PCDH15: variants seen among roughly 807,000 people sequenced by gnomAD.
PCDH15 encodes the protein protocadherin-15.
PCDH15 carries 129 observed loss-of-function variants against 178.5 expected under a neutral mutation model. The ratio of observed to expected loss-of-function variants is 0.72; its 90% CI spans 0.63 to 0.84. PCDH15 has a LOEUF of 0.84. PCDH15 is among the 40% of genes least tolerant of loss of function. The pLI, the probability that PCDH15 is intolerant of heterozygous loss-of-function variation, is 0.00. For synonymous variants in PCDH15, 800 were observed against 732.0 expected (o/e 1.09, Z -1.50); for missense variants, 2,230 against 2,099.9 (o/e 1.06, Z -1.21).
At chr10:55,120,290 G>T (rs753418156) in intron 2 of PCDH15, among the ~76,000 whole-genome samples, 42 of 152,168 alleles carry the variant, frequency 2.8e-4, no homozygotes, top group Non-Finnish European at 5.9e-4. Flanking sequence ...GACCTGGTGT[G>T]AAGGAAGACA....
intron 2 of PCDH15, among the ~76,000 whole-genome samples, chr10:55,557,939 T>C (rs748841319): frequency 9.2e-5 from 14 of 152,118 alleles, no homozygotes; most frequent in Non-Finnish European, 1.8e-4. Context: ...GATGGACTTA[T>C]AGAAATATCA....
chr10:55,404,420 C>T (rs946052474), intron 2 of PCDH15, among the ~76,000 whole-genome samples: 6 of 151,894 alleles, frequency 4.0e-5, no homozygotes, highest in Non-Finnish European at 7.4e-5. Flanking sequence ...TTTTTCTGAG[C>T]GTCACTAGCA....
intron 3 of PCDH15, among the ~76,000 whole-genome samples, chr10:54,396,111 C>A (rs948694104): frequency 6.6e-6 from 1 of 152,110 alleles, no homozygotes; most frequent in Non-Finnish European, 1.5e-5. Flanking sequence ...CCCTCTAAAC[C>A]GGGGAGGACA....
At chr10:55,614,695 G>T (rs1162330133) in intron 2 of PCDH15, among the ~76,000 whole-genome samples, 84 of 152,158 alleles carry the variant, frequency 5.5e-4, no homozygotes, top group Non-Finnish European at 4.3e-4. Context: ...TTGTTAAAGT[G>T]GTTTGGTCAC....
At chr10:55,239,026 G>C (rs2132209255) in intron 1 of PCDH15, among the ~76,000 whole-genome samples, 1 of 152,084 alleles carries the variant, frequency 6.6e-6, no homozygotes. Context: ...GCCTCTGGTA[G>C]CCAACAGTTT....
At chr10:55,248,734 T>C (rs1841749337) in intron 1 of PCDH15, among the ~76,000 whole-genome samples, 3 of 151,948 alleles carry the variant, frequency 2.0e-5, no homozygotes, top group African/African-American at 7.3e-5. Flanking sequence ...TTTTCATATT[T>C]TTTGTAGAGA....
intron 3 of PCDH15, among the ~76,000 whole-genome samples, chr10:54,883,479 G>C (rs1238289525): frequency 6.6e-6 from 1 of 151,918 alleles, no homozygotes; most frequent in Non-Finnish European, 1.5e-5. Context: ...ATTTCCTCCA[G>C]GTGACATGAA....
chr10:55,219,533 T>C (rs1277256674), intron 1 of PCDH15, among the ~76,000 whole-genome samples: 1 of 151,570 alleles, frequency 6.6e-6, no homozygotes, highest in African/African-American at 2.4e-5. Flanking sequence ...GTGGCAAAAC[T>C]TTTAATTAAT....
intron 1 of PCDH15, among the ~76,000 whole-genome samples, chr10:55,218,923 A>G (rs1840788576): frequency 6.6e-6 from 1 of 152,068 alleles, no homozygotes; most frequent in African/African-American, 2.4e-5. Context: ...TATGTAAATG[A>G]CAGCCAACAT....
intron 3 of PCDH15, among the ~76,000 whole-genome samples, chr10:54,456,904 A>C (rs2076859580): frequency 6.6e-6 from 1 of 152,080 alleles, no homozygotes; most frequent in South Asian, 2.1e-4. Flanking sequence ...TGCCATGTGA[A>C]GGACATGTTT....
chr10:54,393,055 T>C (rs1218961344), intron 3 of PCDH15, among the ~76,000 whole-genome samples: 4 of 152,162 alleles, frequency 2.6e-5, no homozygotes, highest in Admixed American at 1.3e-4. Context: ...TTTAAGATGT[T>C]TGGCTAATTT....
At chr10:55,325,290 C>T (rs902106570) in intron 2 of PCDH15, among the ~76,000 whole-genome samples, 1 of 151,918 alleles carries the variant, frequency 6.6e-6, no homozygotes, top group African/African-American at 2.4e-5. Context: ...ATAACAAAGC[C>T]TGAGACATGA....
intron 5 of PCDH15, 45 bp downstream of exon 5, chr10:54,369,075 C>A: frequency 1.3e-6 from 2 of 1,589,492 alleles, no homozygotes; most frequent in Non-Finnish European, 1.7e-6. Flanking sequence ...TAGTTAGATA[C>A]ATATATCAAC....
intron 8 of PCDH15, among the ~76,000 whole-genome samples, chr10:54,285,476 A>G (rs189164813): frequency 3.3e-5 from 5 of 152,292 alleles, no homozygotes; most frequent in African/African-American, 1.2e-4. Context: ...TATGAAAAAT[A>G]TATTTAACAT....
At chr10:54,725,343 GA>G (rs912454029) in intron 1 of PCDH15, among the ~76,000 whole-genome samples, 1 of 150,112 alleles carries the variant, frequency 6.7e-6, no homozygotes, top group Non-Finnish European at 1.5e-5. Context: ...AGTAATGAGC[GA>G]AATTTAGTAA....
At chr10:54,954,306 C>T (rs1221387659) in intron 2 of PCDH15, among the ~76,000 whole-genome samples, 1 of 151,240 alleles carries the variant, frequency 6.6e-6, no homozygotes, top group Non-Finnish European at 1.5e-5. Flanking sequence ...CACATCCTTT[C>T]CTTCTGGGCT....
intron 2 of PCDH15, among the ~76,000 whole-genome samples, chr10:55,409,585 A>T (rs1237129256): frequency 6.6e-6 from 1 of 151,940 alleles, no homozygotes; most frequent in African/African-American, 2.4e-5. Context: ...CATATGGTAG[A>T]TCACCATACC....
intron 2 of PCDH15, among the ~76,000 whole-genome samples, chr10:54,947,656 C>T (rs1838227689): frequency 6.6e-6 from 1 of 151,836 alleles, no homozygotes; most frequent in South Asian, 2.1e-4. Flanking sequence ...GAACATCTTT[C>T]AAACCCAATA....
intron 3 of PCDH15, among the ~76,000 whole-genome samples, chr10:54,808,703 G>A (rs1036605819): frequency 6.6e-6 from 1 of 152,066 alleles, no homozygotes; most frequent in Non-Finnish European, 1.5e-5. Flanking sequence ...CAGCTTTATA[G>A]CTTCATTTAA....
Sources: gnomAD v4.1 joint callset for allele counts (sites outside exome capture counted in the v4.1 genomes callset) on GRCh38, gnomAD v4.1.1 for gene constraint, MANE v1.5 for transcripts, NCBI Gene and HGNC (gene_info 2026-07-23, HGNC 2026-07-21) for gene names.